Variants in SLC12A4 observed in about 807,000 individuals in gnomAD.
The protein encoded by SLC12A4 is solute carrier family 12 member 4.
Under a neutral mutation model 119.2 loss-of-function variants are expected in SLC12A4, and 84 were observed. The ratio of observed to expected loss-of-function variants is 0.70; its 90% CI spans 0.59 to 0.85. The LOEUF (loss-of-function observed/expected upper bound fraction) is 0.85. Among genes scored for constraint, SLC12A4 ranks in the 40% least tolerant of loss-of-function variants. SLC12A4 has a pLI of 0.00. For synonymous variants in SLC12A4, 599 were observed against 604.6 expected (o/e 0.99, Z 0.14); for missense variants, 1,298 against 1,476.3 (o/e 0.88, Z 1.98).
Position 67,947,088 on chromosome 16 carries a change from A to G in SLC12A4, c.2090T>C (p.Leu697Pro). ...TKNWRPQLLV[L>P]LKLDEDLHVK... ...GTGGAGGTCCTCGTCCAGCTTCAGC[A>G]GCACCAGCAGCTGCGGCCTGCAGTG... The change falls in exon 17 of 24, where the codon CTG becomes CCG. Residue 697 changes from leucine (L) to proline (P), a missense_variant. Physicochemically the swap from Leu to Pro is moderately conservative, Grantham distance 98. Transcript: ENST00000316341. 6.2e-7 allele frequency: 1 copy of G among 1,600,614 alleles called. No homozygotes were observed. Among genetic ancestry groups the G allele is most frequent in the Non-Finnish European group, 8.5e-7 (1 of 1,175,656 alleles).
chr16:67,963,135 A>G (rs1179768493), intron 2 of SLC12A4: 1 of 173,736 alleles, frequency 5.8e-6, no homozygotes. Flanking sequence ...GCGAAGAACC[A>G]TGGACTTGGA....
intron 6 of SLC12A4, among the ~76,000 whole-genome samples, chr16:67,953,635 T>C (rs1174850935): frequency 1.3e-5 from 2 of 152,186 alleles, no homozygotes; most frequent in South Asian, 4.1e-4. Flanking sequence ...AACATTGAAT[T>C]GTACACTTTC....
chr16:67,948,277 A>G, intron 13 of SLC12A4, 118 bp from the exon 14 acceptor site: 2 of 877,358 alleles, frequency 2.3e-6, no homozygotes, highest in South Asian at 3.1e-5. Flanking sequence ...ATGGCTCAGC[A>G]AGGTCTTCTC....
At chr16:67,965,994 T>C (rs1385689248) in intron 1 of SLC12A4, among the ~76,000 whole-genome samples, 1 of 152,084 alleles carries the variant, frequency 6.6e-6, no homozygotes, top group Non-Finnish European at 1.5e-5. Context: ...AGCACAATCT[T>C]TAAAAATAGA....
intron 1 of SLC12A4, among the ~76,000 whole-genome samples, chr16:67,964,315 G>A (rs1027217517): frequency 9.2e-5 from 14 of 152,248 alleles, no homozygotes; most frequent in African/African-American, 3.4e-4. Context: ...CTAGGCTGAT[G>A]AGCCAGTGCC....
Position 67,944,734 on chromosome 16 carries a change from C to G in SLC12A4, c.*106G>C. The G allele has an allele frequency of 6.7e-7, 1 of 1,496,410 alleles. No homozygotes were observed. Among genetic ancestry groups the G allele is most frequent in the Non-Finnish European group, 8.9e-7 (1 of 1,123,652 alleles). The allele number at this position is 1,496,410 out of a possible 1,614,324, so 92.7% of individuals were successfully genotyped here. Reference sequence around the variant, plus strand: ...AAGCTGGGTCCAGGACAGGGCCAGGCAAGCAGGGCTGGCAGGTGGGTGCTG... The same window carrying G: ...AAGCTGGGTCCAGGACAGGGCCAGGGAAGCAGGGCTGGCAGGTGGGTGCTG... On this transcript the variant is annotated 3_prime_UTR_variant, in exon 24 of 24. Transcript: ENST00000316341. The surrounding 1 kb of genome is among the most constrained non-coding windows in gnomAD (Gnocchi z 6.6).
At chr16:67,960,630 G>T (rs2030513346) in intron 3 of SLC12A4, among the ~76,000 whole-genome samples, 1 of 151,284 alleles carries the variant, frequency 6.6e-6, no homozygotes. Flanking sequence ...CCAGACGTCA[G>T]CTCCTCTTAA....
chr16:67,949,826 G>A lies in SLC12A4; in HGVS notation c.1722C>T (p.Leu574=), dbSNP rs747644950. The A allele has an allele frequency of 3.7e-6, 6 of 1,610,650 alleles. No homozygotes were observed. Among genetic ancestry groups the A allele is most frequent in the African/African-American group, 1.3e-5 (1 of 74,684 alleles). Residue 574 remains leucine (L), a synonymous_variant, in exon 13 of 24, where the codon CTC becomes CTT. Transcript: ENST00000316341. This position sits in a 1 kb window ranked among gnomAD's most constrained non-coding sequence, Gnocchi z 4.6. ...TGGATAAGATGGGGGCCACCATGTC[G>A]AGGGAGGCGATGAGGATGCCCAGCT... ...IAELGILIAS[L]DMVAPILSMF... is the part of the protein sequence containing the mutation.
Position 67,968,529 on chromosome 16 carries a change from C to G in SLC12A4, c.25G>C (p.Val9Leu). The G allele has an allele frequency of 6.3e-7, 1 of 1,580,868 alleles. No individual in the cohort carries two copies. The highest frequency in any genetic ancestry group is 8.6e-7 in the Non-Finnish European group (1 of 1,168,778). MPHFTVVP[V>L]DGPRRGDYDN... ...TAGTCGCCGCGCCTCGGCCCGTCCACTGGCACCACGGTGAAGTGAGGCATC... is the reference window on the plus strand; with the variant it reads ...TAGTCGCCGCGCCTCGGCCCGTCCAGTGGCACCACGGTGAAGTGAGGCATC... The change falls in exon 1 of 24, where the codon GTG becomes CTG. Residue 9 changes from valine to leucine, a missense_variant. Physicochemically the swap from Val to Leu is conservative, Grantham distance 32 (BLOSUM62 1). Transcript: ENST00000316341.
At position 67,951,152 on chromosome 16, in the gene SLC12A4, GGAA is replaced by G. The variant is rs2058410743; in HGVS notation, c.1282_1284del (p.Phe428del). 6.2e-7 allele frequency: 1 copy of G among 1,614,008 alleles called. No individual in the cohort carries two copies. The highest frequency in any genetic ancestry group is 8.5e-7 in the Non-Finnish European group (1 of 1,179,926). ...AGGCAGGGCTCACCTGTTACAGAAGGGAAGAAGATGCCGACCAGCACGGTGAAG... is the reference window on the plus strand; with the variant it reads ...AGGCAGGGCTCACCTGTTACAGAAGGGAAGATGCCGACCAGCACGGTGAAG... On this transcript the variant is annotated inframe_deletion, in exon 9 of 24. Coordinates refer to ENST00000316341, the MANE Select transcript of SLC12A4 (RefSeq NM_005072.5). The surrounding 1 kb of genome is among the most constrained non-coding windows in gnomAD (Gnocchi z 5.2).
Position 67,943,829 on chromosome 16 carries a change from G to A in SLC12A4, c.*1011C>T. Reference sequence around the variant, plus strand: ...TTTGGCCCCTCCCCACACCAGGGCAGGTACTTATGTCGGGGCTTATGCAGG... The same window carrying A: ...TTTGGCCCCTCCCCACACCAGGGCAAGTACTTATGTCGGGGCTTATGCAGG... On this transcript the variant is annotated 3_prime_UTR_variant, in exon 24 of 24. Coordinates refer to ENST00000316341, the MANE Select transcript of SLC12A4 (RefSeq NM_005072.5). The surrounding 1 kb of genome is among the most constrained non-coding windows in gnomAD (Gnocchi z 4.6). 1 of 963,544 alleles carries A rather than the reference G, an allele frequency of 1.0e-6. No individual in the cohort carries two copies. Among genetic ancestry groups the A allele is most frequent in the South Asian group, 1.8e-5 (1 of 56,928 alleles). 59.7% of individuals were successfully genotyped at this position (963,544 alleles called of 1,614,324 possible).
Position 67,946,923 on chromosome 16 carries a change from C to A in SLC12A4, c.2241+14G>T. The A allele has an allele frequency of 6.2e-7, 1 of 1,610,974 alleles. No homozygotes were observed. The highest frequency in any genetic ancestry group is 1.1e-5 in the South Asian group (1 of 90,948). On this transcript the variant is annotated intron_variant, in intron 17 of 23. Transcript: ENST00000316341. Reference sequence around the variant, plus strand: ...CTGTAGTCTGGCTCAGCTCTCCCTCCCCAAAGCAAGTACCTGCTCGGCGGC... The same window carrying A: ...CTGTAGTCTGGCTCAGCTCTCCCTCACCAAAGCAAGTACCTGCTCGGCGGC...
At chr16:67,953,817 T>C (rs2030083373) in intron 6 of SLC12A4, among the ~76,000 whole-genome samples, 1 of 152,118 alleles carries the variant, frequency 6.6e-6, no homozygotes, top group South Asian at 2.1e-4. Flanking sequence ...TAGTATTGGA[T>C]TACAACCCAA....
chr16:67,947,306 T>C (rs1231266229), intron 16 of SLC12A4, 25 bp downstream of exon 16: 3 of 1,605,376 alleles, frequency 1.9e-6, no homozygotes, highest in Non-Finnish European at 2.6e-6. Context: ...CTCTGCGCCC[T>C]GGCCAGGGTC....
Position 67,947,786 on chromosome 16 carries a change from G to A in SLC12A4, c.1850C>T (p.Ala617Val), listed in dbSNP as rs780061562. The A allele has an allele frequency of 1.5e-5, 24 of 1,589,050 alleles. 1 individual carries two copies. The South Asian group carries it at 1.7e-4, about 11-fold the overall frequency. Residue 617 changes from alanine (A) to valine (V), a missense_variant and splice_region_variant, in exon 15 of 24, where the codon GCG becomes GTG. Ala to Val is a moderately conservative substitution (Grantham distance 64, BLOSUM62 0). Transcript: ENST00000316341. ...WRPRFKYYHW[A>V]LSFLGMSLCL... Reference sequence around the variant, plus strand: ...GAGACTCATGCCCAGGAAGGACAGCGCCCTGGACGAGAGGGGAGGGCAGAG... The same window carrying A: ...GAGACTCATGCCCAGGAAGGACAGCACCCTGGACGAGAGGGGAGGGCAGAG...
chr16:67,963,468 A>C lies in SLC12A4; in HGVS notation c.207T>G (p.Phe69Leu). The C allele has an allele frequency of 6.4e-7, 1 of 1,570,454 alleles. No homozygotes were observed. The highest frequency in any genetic ancestry group is 8.6e-7 in the Non-Finnish European group (1 of 1,166,856). The part of the protein sequence containing the change: ...IDYYDRNLAL[F>L]EEELDIRPKV... ...CCCAAAATGGCTCCTCAGCTACCTC[A>C]AACAGTGCCAGGTTCCTGTCATAGT... The change falls in exon 2 of 24, where the codon TTT (phenylalanine) becomes TTG (leucine). Residue 69 changes from phenylalanine (F) to leucine (L), a missense_variant. By Grantham distance (22) the Phe-to-Leu change is conservative. Coordinates refer to ENST00000316341, the MANE Select transcript of SLC12A4 (RefSeq NM_005072.5).
In SLC12A4 at chr16:67,949,639, C is replaced by T. The variant is rs755186937; in HGVS notation, c.1748+161G>A. ...AGCTTTGGCATAGGTGCCAGGCTTGCTCCTAAATGCAGGGGTGGGCTGAGC... is the reference window on the plus strand; with the variant it reads ...AGCTTTGGCATAGGTGCCAGGCTTGTTCCTAAATGCAGGGGTGGGCTGAGC... On this transcript the variant is annotated intron_variant, in intron 13 of 23. Transcript: ENST00000316341. This position sits in a 1 kb window ranked among gnomAD's most constrained non-coding sequence, Gnocchi z 4.6. The T allele has an allele frequency of 8.7e-5, 50 of 574,150 alleles. No individual in the cohort carries two copies. Among genetic ancestry groups the T allele is most frequent in the Non-Finnish European group, 1.3e-4 (41 of 325,854 alleles). 35.6% of individuals were successfully genotyped at this position (574,150 alleles called of 1,614,324 possible). A position where few individuals can be genotyped will look rare whatever the true frequency, so the allele number is the denominator to read the frequency against.
intron 3 of SLC12A4, among the ~76,000 whole-genome samples, 195 bp downstream of exon 3, chr16:67,961,380 C>T (rs569470431): frequency 1.6e-4 from 25 of 152,224 alleles, no homozygotes; most frequent in African/African-American, 5.5e-4. Flanking sequence ...TGGCCCTCTG[C>T]CCCCCGGGGG....
intron 5 of SLC12A4, among the ~76,000 whole-genome samples, chr16:67,955,280 C>T (rs1192869315): frequency 6.6e-6 from 1 of 152,250 alleles, no homozygotes; most frequent in Non-Finnish European, 1.5e-5. Context: ...CAAAGTCTAA[C>T]ACCCTTAAAA....
Sources: allele counts gnomAD v4.1 joint callset (sites outside exome capture counted in the v4.1 genomes callset), GRCh38; gene constraint gnomAD v4.1.1; non-coding constraint Gnocchi (gnomAD v3.1); transcripts MANE v1.5; gene names NCBI Gene and HGNC (gene_info 2026-07-23, HGNC 2026-07-21).